The following CACNA2D2 variants were observed in gnomAD, a reference collection of about 807,000 sequenced individuals.
CACNA2D2 encodes calcium voltage-gated channel auxiliary subunit alpha2delta 2.
CACNA2D2 carries 48 observed loss-of-function variants against 166.4 expected under a neutral mutation model. The observed-to-expected ratio is 0.29, with a 90% CI of 0.23 to 0.37. The LOEUF (loss-of-function observed/expected upper bound fraction) is 0.37. CACNA2D2 is among the 10% of genes least tolerant of loss of function. CACNA2D2 has a pLI of 1.00. For synonymous variants in CACNA2D2, 561 were observed against 573.7 expected (o/e 0.98, Z 0.32); for missense variants, 1,122 against 1,433.0 (o/e 0.78, Z 3.50).
In CACNA2D2 at chr3:50,367,838, A is replaced by G; in HGVS notation, c.2208T>C (p.Arg736=). ...TGTTGAGATCCTGGTCCCTCCACAC[A>G]CGCTCTACCAGCTGCTGCGTGATGC... ...DTGITQQLVE[R]VWRDQDLNTY... The change falls in exon 25 of 38, where the codon CGT becomes CGC. Residue 736 remains arginine (R), a synonymous_variant. Transcript: ENST00000424201. The surrounding 1 kb of genome is among the most constrained non-coding windows in gnomAD (Gnocchi z 6.5). 1 of 1,576,828 alleles carries G rather than the reference A, an allele frequency of 6.3e-7. No individual in the cohort carries two copies. The highest frequency in any genetic ancestry group is 8.6e-7 in the Non-Finnish European group (1 of 1,159,726).
At chr3:50,484,621 T>C (rs1005394358) in intron 1 of CACNA2D2, among the ~76,000 whole-genome samples, 3 of 152,204 alleles carry the variant, frequency 2.0e-5, no homozygotes, top group Non-Finnish European at 4.4e-5. Flanking sequence ...ACACGTCACC[T>C]GCTCCGTGAA....
At chr3:50,400,491 T>C (rs1394053747) in intron 3 of CACNA2D2, among the ~76,000 whole-genome samples, 1 of 152,272 alleles carries the variant, frequency 6.6e-6, no homozygotes, top group Non-Finnish European at 1.5e-5. Flanking sequence ...CCTCACATGA[T>C]GTGCTCAGAG....
At chr3:50,414,672 G>A (rs1707185726) in intron 3 of CACNA2D2, among the ~76,000 whole-genome samples, 1 of 152,244 alleles carries the variant, frequency 6.6e-6, no homozygotes, top group Admixed American at 6.5e-5. Context: ...CCAGGCCTCT[G>A]AAATAATTAG....
intron 3 of CACNA2D2, among the ~76,000 whole-genome samples, chr3:50,407,894 AG>A (rs1253859100): frequency 6.6e-6 from 1 of 152,226 alleles, no homozygotes; most frequent in Non-Finnish European, 1.5e-5. Flanking sequence ...ATGTGGGGGT[AG>A]GAAGGAGGGC....
At chr3:50,394,911 T>C (rs1158854697) in intron 3 of CACNA2D2, among the ~76,000 whole-genome samples, 3 of 151,868 alleles carry the variant, frequency 2.0e-5, no homozygotes, top group Admixed American at 6.6e-5. Context: ...GCAGGAGAGG[T>C]TGAGGGACAG....
intron 2 of CACNA2D2, among the ~76,000 whole-genome samples, chr3:50,455,626 G>A (rs570148162): frequency 6.6e-6 from 1 of 152,040 alleles, no homozygotes; most frequent in Non-Finnish European, 1.5e-5. Context: ...AGGGCCACAC[G>A]GCTCAGGGAG....
chr3:50,365,078 G>C lies in CACNA2D2; in HGVS notation c.3205C>G (p.His1069Asp). The C allele has an allele frequency of 6.2e-7, 1 of 1,610,480 alleles. No individual in the cohort carries two copies. The highest frequency in any genetic ancestry group is 8.5e-7 in the Non-Finnish European group (1 of 1,178,908). Reference protein sequence around the residue: ...EAGRLLQKETHSDGPEQCELV... With the variant: ...EAGRLLQKETDSDGPEQCELV... Reference sequence around the variant, plus strand: ...GGGGAGGGCGGGGGCAGGATACAGTGCGTCTCCTTCTGCAGCAGCCGGCCA... The same window carrying C: ...GGGGAGGGCGGGGGCAGGATACAGTCCGTCTCCTTCTGCAGCAGCCGGCCA... The change falls in exon 36 of 38, where the codon CAC becomes GAC. Residue 1069 changes from histidine (H) to aspartate (D), a missense_variant. Coordinates refer to ENST00000424201, the MANE Select transcript of CACNA2D2 (RefSeq NM_006030.4). The surrounding 1 kb of genome is among the most constrained non-coding windows in gnomAD (Gnocchi z 4.5).
Position 50,380,124 on chromosome 3 carries a change from G to T in CACNA2D2, c.843-106C>A. ...AATACATTTCTCTTGAGCATGCACT[G>T]TGTGGGCCAGGCAGGGTTCTATGCA... is the stretch of plus-strand genomic sequence containing the variant. On this transcript the variant is annotated intron_variant, in intron 8 of 37. Transcript: ENST00000424201. This position sits in a 1 kb window ranked among gnomAD's most constrained non-coding sequence, Gnocchi z 4.9. The T allele has an allele frequency of 8.8e-7, 1 of 1,139,964 alleles. No homozygotes were observed. Among genetic ancestry groups the T allele is most frequent in the Non-Finnish European group, 1.3e-6 (1 of 766,074 alleles). 70.6% of individuals were successfully genotyped at this position (1,139,964 alleles called of 1,614,324 possible). A position where few individuals can be genotyped will look rare whatever the true frequency, so the allele number is the denominator to read the frequency against.
chr3:50,490,654 T>C (rs1041948709), intron 1 of CACNA2D2, among the ~76,000 whole-genome samples: 3 of 152,316 alleles, frequency 2.0e-5, no homozygotes, highest in Admixed American at 1.3e-4. Flanking sequence ...TTTTCCACAG[T>C]CATGACGAGC....
intron 1 of CACNA2D2, among the ~76,000 whole-genome samples, chr3:50,496,931 C>A (rs1698748977): frequency 6.6e-6 from 1 of 152,220 alleles, no homozygotes; most frequent in Non-Finnish European, 1.5e-5. Context: ...GGAGTGACTT[C>A]TCAGCCTTTT....
Position 50,380,038 on chromosome 3 carries a change from G to A in CACNA2D2, c.843-20C>T, listed in dbSNP as rs369335153. 56 of 1,613,788 alleles carry A rather than the reference G, an allele frequency of 3.5e-5. 1 individual carries two copies. Among genetic ancestry groups the A allele is most frequent in the African/African-American group, 1.9e-4 (14 of 74,930 alleles). ...ATATACCTGCCCAGGAGATGCCTCT[G>A]TTAGGGTAAGGCCCACTGGGACCTT... On this transcript the variant is annotated intron_variant, in intron 8 of 37. Coordinates refer to ENST00000424201, the MANE Select transcript of CACNA2D2 (RefSeq NM_006030.4). This position sits in a 1 kb window ranked among gnomAD's most constrained non-coding sequence, Gnocchi z 4.9.
intron 2 of CACNA2D2, among the ~76,000 whole-genome samples, chr3:50,451,188 C>T (rs1336380039): frequency 3.3e-5 from 5 of 152,014 alleles, no homozygotes; most frequent in Admixed American, 2.6e-4. Flanking sequence ...TGCAATGGCG[C>T]GATCTCGGCT....
intron 3 of CACNA2D2, among the ~76,000 whole-genome samples, chr3:50,422,664 T>C (rs944839791): frequency 1.3e-5 from 2 of 152,154 alleles, no homozygotes; most frequent in Non-Finnish European, 2.9e-5. Flanking sequence ...TCCTACCAGG[T>C]GGACTCTTAC....
In CACNA2D2 at chr3:50,364,456, G is replaced by A. The variant is rs1008321715; in HGVS notation, c.*210C>T. On this transcript the variant is annotated 3_prime_UTR_variant, in exon 38 of 38. Transcript: ENST00000424201. The stretch of plus-strand genomic sequence containing the variant: ...TCTGGGGACACTTGAACAGTTCGGA[G>A]GTGAGATGTGATTTGGGTGCCAAAC... 25 of 614,640 alleles carry A rather than the reference G, an allele frequency of 4.1e-5. No individual in the cohort carries two copies. The highest frequency in any genetic ancestry group is 3.7e-4 in the African/African-American group (20 of 54,220). The allele number at this position is 614,640 out of a possible 1,614,324, so 38.1% of individuals were successfully genotyped here. A position where few individuals can be genotyped will look rare whatever the true frequency, so the allele number is the denominator to read the frequency against.
chr3:50,503,157 C>T (rs959124630), intron 1 of CACNA2D2, 61 bp downstream of exon 1: 3 of 1,026,278 alleles, frequency 2.9e-6, no homozygotes, highest in South Asian at 9.6e-5. Context: ...GTAGCGCGGA[C>T]CGGGGGCAGA....
At chr3:50,446,686 G>A (rs1559956997) in intron 2 of CACNA2D2, among the ~76,000 whole-genome samples, 1 of 152,192 alleles carries the variant, frequency 6.6e-6, no homozygotes, top group Non-Finnish European at 1.5e-5. Flanking sequence ...AGACAGTTGG[G>A]TGAACCCTCC....
intron 3 of CACNA2D2, among the ~76,000 whole-genome samples, chr3:50,399,987 C>A (rs1166579327): frequency 6.6e-6 from 1 of 152,180 alleles, no homozygotes; most frequent in African/African-American, 2.4e-5. Flanking sequence ...GCAGCCCCTG[C>A]CTAGCCCAGC....
intron 3 of CACNA2D2, among the ~76,000 whole-genome samples, chr3:50,401,257 G>A (rs1203047001): frequency 6.6e-6 from 1 of 152,110 alleles, no homozygotes; most frequent in Non-Finnish European, 1.5e-5. Context: ...TTAGTAAAAT[G>A]GATTTTTTTT....
intron 3 of CACNA2D2, among the ~76,000 whole-genome samples, chr3:50,429,927 C>T (rs1441899555): frequency 6.6e-6 from 1 of 151,954 alleles, no homozygotes; most frequent in Non-Finnish European, 1.5e-5. Flanking sequence ...TTAGAAGCTC[C>T]TTAGACAATT....
Sources: gnomAD v4.1 joint callset for allele counts (sites outside exome capture counted in the v4.1 genomes callset) on GRCh38, gnomAD v4.1.1 for gene constraint, Gnocchi (gnomAD v3.1) non-coding constraint, MANE v1.5 for transcripts, NCBI Gene and HGNC (gene_info 2026-07-23, HGNC 2026-07-21) for gene names.